The following AMMECR1 variants were observed in gnomAD, a reference collection of about 807,000 sequenced individuals.
AMMECR1 encodes AMMECR nuclear protein 1.
AMMECR1 carries 3 observed loss-of-function variants against 22.5 expected under a neutral mutation model. That is an observed-to-expected ratio of 0.13 (90% confidence interval 0.06 to 0.35). The LOEUF (loss-of-function observed/expected upper bound fraction) is 0.35, where lower values mean the gene tolerates loss of function less well. Among genes scored for constraint, AMMECR1 ranks in the 10% least tolerant of loss-of-function variants. AMMECR1 has a pLI of 1.00. For missense variants in AMMECR1, 235 were observed against 278.7 expected (o/e 0.84, Z 1.12); for synonymous variants, 130 against 116.7 (o/e 1.11, Z -0.74).
intron 2 of AMMECR1, among the ~76,000 whole-genome samples, chrX:110,248,450 T>G (rs1185677342): frequency 9.0e-6 from 1 of 111,597 alleles, no homozygotes; most frequent in Admixed American, 9.5e-5. Context: ...TATTGTTTTT[T>G]TAAACCTTAC....
At chrX:110,425,997 C>A (rs777587643) in intron 2 of AMMECR1, among the ~76,000 whole-genome samples, 1 of 110,863 alleles carries the variant, frequency 9.0e-6, no homozygotes, top group African/African-American at 3.4e-5. Flanking sequence ...CACACACACA[C>A]AAACGCACAC....
intron 2 of AMMECR1, among the ~76,000 whole-genome samples, chrX:110,238,346 A>C (rs768049553): frequency 1.7e-4 from 19 of 112,374 alleles, no homozygotes; most frequent in Middle Eastern, 4.6e-3. Flanking sequence ...CTAAGTATAA[A>C]TCTTACAGTC....
chrX:110,349,816 A>C (rs113966125), intron 2 of AMMECR1, among the ~76,000 whole-genome samples: 8,139 of 111,652 alleles, frequency 0.073, 739 homozygotes, highest in African/African-American at 0.25. Flanking sequence ...CATACACATT[A>C]CTTGTCAAAT....
At chrX:110,275,547 T>C (rs1312638461) in intron 1 of AMMECR1, among the ~76,000 whole-genome samples, 1 of 111,547 alleles carries the variant, frequency 9.0e-6, no homozygotes, top group Non-Finnish European at 1.9e-5. Context: ...ATAATTGCTT[T>C]AGGCCAGGCA....
rs574814901 is a variant in AMMECR1, at chrX:110,274,425, A to G, written c.474-9826T>C. ...TTTTTTTCTTTCATGTATTTTGAGG[A>G]TCTGTTAGGTACATACACATTTAGT... On this transcript the variant is annotated intron_variant, in intron 1 of 5. Transcript: ENST00000262844. Among the ~76,000 whole-genome samples, 26 of 110,619 alleles carry G rather than the reference A, an allele frequency of 2.4e-4. 1 individual carries two copies. Among genetic ancestry groups the G allele is most frequent in the African/African-American group, 8.2e-4 (25 of 30,422 alleles).
intron 2 of AMMECR1, among the ~76,000 whole-genome samples, chrX:110,333,940 C>T (rs1387537895): frequency 1.8e-5 from 2 of 110,605 alleles, no homozygotes; most frequent in East Asian, 2.8e-4. Flanking sequence ...CAAACCTGCA[C>T]GTTCTGCACA....
intron 1 of AMMECR1, among the ~76,000 whole-genome samples, chrX:110,313,259 A>G (rs2068032466): frequency 8.9e-6 from 1 of 112,234 alleles, no homozygotes; most frequent in African/African-American, 3.2e-5. Context: ...ATTTTTTTAA[A>G]ATACATTTTA....
chrX:110,230,706 C>T lies in AMMECR1; in HGVS notation c.585-14074G>A, dbSNP rs777752920. Among the ~76,000 whole-genome samples the T allele has an allele frequency of 8.0e-5, 9 of 112,044 alleles. No homozygotes were observed. In the South Asian group the frequency reaches 2.2e-3, roughly 28 times the overall value. On this transcript the variant is annotated intron_variant, in intron 2 of 5. Transcript: ENST00000262844. ...TTGACGAGTTGACAGAAGTAGGCTT[C>T]AGAAGGTCGGTAACAACAAACTTCT...
intron 2 of AMMECR1, among the ~76,000 whole-genome samples, chrX:110,386,003 A>G (rs2068452556): frequency 8.9e-6 from 1 of 112,532 alleles, no homozygotes; most frequent in African/African-American, 3.2e-5. Flanking sequence ...ATATGAATAT[A>G]TCATATTTTG....
intron 2 of AMMECR1, among the ~76,000 whole-genome samples, chrX:110,378,103 T>G (rs1157626422): frequency 9.0e-6 from 1 of 110,991 alleles, no homozygotes; most frequent in Non-Finnish European, 1.9e-5. Context: ...CTTGTGGACA[T>G]TCATTTTGAT....
At chrX:110,222,061 G>A (rs1456423444) in intron 2 of AMMECR1, among the ~76,000 whole-genome samples, 2 of 109,344 alleles carry the variant, frequency 1.8e-5, no homozygotes, top group African/African-American at 3.3e-5. Context: ...ATCTAGAACT[G>A]GAAATACCAT....
intron 1 of AMMECR1, chrX:110,309,109 T>C (rs1006627177): frequency 3.6e-5 from 4 of 112,197 alleles, no homozygotes; most frequent in African/African-American, 1.3e-4. Flanking sequence ...GCTAGGCTAC[T>C]ATAAGCGATA....
chrX:110,425,974 G>A (rs764659818), intron 2 of AMMECR1, among the ~76,000 whole-genome samples: 40 of 110,224 alleles, frequency 3.6e-4, no homozygotes, highest in African/African-American at 1.1e-3. Flanking sequence ...TAGTGCGTGC[G>A]TGCGCGCACA....
intron 1 of AMMECR1, among the ~76,000 whole-genome samples, chrX:110,291,505 G>A (rs972004095): frequency 3.9e-4 from 43 of 111,240 alleles, no homozygotes; most frequent in African/African-American, 1.2e-3. Context: ...CAGCCTGGGC[G>A]ACAGAGTGAG....
At chrX:110,253,388 T>C (rs2148192752) in intron 2 of AMMECR1, among the ~76,000 whole-genome samples, 1 of 112,277 alleles carries the variant, frequency 8.9e-6, no homozygotes, top group African/African-American at 3.2e-5. Flanking sequence ...AATGTGCTGC[T>C]CTGGGCAATA....
At chrX:110,241,659 G>A (rs1053818015) in intron 2 of AMMECR1, among the ~76,000 whole-genome samples, 2 of 108,961 alleles carry the variant, frequency 1.8e-5, no homozygotes, top group East Asian at 2.9e-4. Context: ...AGGGCCTGTC[G>A]GGGGGTGGGG....
chrX:110,382,418 T>C lies in AMMECR1; in HGVS notation c.-148+44240A>G, dbSNP rs1034104163. ...GAGACATGGATGAAGCTTGTGAAAA[T>C]GACACTTTCTTAAAAGAGCAGAAGA... On this transcript the variant is annotated intron_variant, in intron 2 of 7. Coordinates refer to the AMMECR1 transcript ENST00000372057. Among the ~76,000 whole-genome samples, 5 of 109,628 alleles carry C rather than the reference T, an allele frequency of 4.6e-5. 1 individual carries two copies. Among genetic ancestry groups the C allele is most frequent in the African/African-American group, 1.3e-4 (4 of 30,068 alleles).
chrX:110,300,906 A>G (rs561574686), intron 1 of AMMECR1, among the ~76,000 whole-genome samples: 1 of 111,075 alleles, frequency 9.0e-6, no homozygotes, highest in South Asian at 3.8e-4. Flanking sequence ...TTTAGCCATG[A>G]TTTCCTTCAG....
chrX:110,264,244 GA>G (rs1197003666), intron 2 of AMMECR1, among the ~76,000 whole-genome samples: 22 of 102,163 alleles, frequency 2.2e-4, no homozygotes, highest in East Asian at 1.5e-3. Flanking sequence ...GCCACTGGAA[GA>G]AAAAAAAAAC....
Sources: allele counts gnomAD v4.1 joint callset (sites outside exome capture counted in the v4.1 genomes callset), GRCh38; gene constraint gnomAD v4.1.1; transcripts MANE v1.5; gene names NCBI Gene and HGNC (gene_info 2026-07-23, HGNC 2026-07-21).